SKAP2: variants seen among roughly 807,000 people sequenced by gnomAD.
SKAP2 encodes the protein src kinase associated phosphoprotein 2.
Under a neutral mutation model 54.9 loss-of-function variants are expected in SKAP2, and 28 were observed. The observed-to-expected ratio is 0.51, with a 90% CI of 0.38 to 0.70. The LOEUF (loss-of-function observed/expected upper bound fraction) is 0.70. Ranked by LOEUF, SKAP2 falls within the 30% of genes least tolerant of loss-of-function variation. SKAP2 has a pLI of 0.00. For synonymous variants in SKAP2, 137 were observed against 134.3 expected, an observed-to-expected ratio of 1.02 and a Z score of -0.14; for missense variants, 356 against 424.1, an observed-to-expected ratio of 0.84 and a Z score of 1.41.
At chr7:26,708,145 T>C (rs2127948816) in intron 9 of SKAP2, among the ~76,000 whole-genome samples, 1 of 152,190 alleles carries the variant, frequency 6.6e-6, no homozygotes, top group East Asian at 1.9e-4. Context: ...GCTAAGACAT[T>C]AAGGAAAAGT....
intron 4 of SKAP2, among the ~76,000 whole-genome samples, chr7:26,804,483 G>A (rs1042193269): frequency 3.9e-5 from 6 of 152,100 alleles, no homozygotes; most frequent in Non-Finnish European, 8.8e-5. Context: ...GTTCAGGCCC[G>A]TAATCCCAGC....
intron 4 of SKAP2, among the ~76,000 whole-genome samples, chr7:26,760,326 T>C (rs7784257): frequency 0.44 from 67,463 of 151,904 alleles, 16,336 homozygotes; most frequent in East Asian, 0.6. Flanking sequence ...AGAGAGTAAA[T>C]GAAATCTTTT....
intron 5 of SKAP2, 42 bp from the exon 6 acceptor site, chr7:26,738,920 T>C: frequency 1.7e-6 from 2 of 1,159,998 alleles, no homozygotes; most frequent in Non-Finnish European, 2.6e-6. Context: ...TTCCTTACTG[T>C]AAAAGAAAAA....
At chr7:26,847,000 C>A (rs1005907427) in intron 3 of SKAP2, among the ~76,000 whole-genome samples, 4 of 151,752 alleles carry the variant, frequency 2.6e-5, no homozygotes, top group African/African-American at 7.3e-5. Context: ...CTCAAAAAAT[C>A]AAAATAAAAA....
At chr7:26,682,656 A>G (rs865977472) in intron 11 of SKAP2, among the ~76,000 whole-genome samples, 2 of 152,188 alleles carry the variant, frequency 1.3e-5, no homozygotes, top group African/African-American at 2.4e-5. Flanking sequence ...AGCCTTGCAA[A>G]ACACTGGCAG....
chr7:26,799,085 C>A (rs1446611620), intron 4 of SKAP2, among the ~76,000 whole-genome samples: 1 of 147,950 alleles, frequency 6.8e-6, no homozygotes. Context: ...CAAGGCAAGG[C>A]AGGGCAGGGC....
the SKAP2 span, among the ~76,000 whole-genome samples, chr7:26,661,902 A>C: frequency 6.6e-6 from 1 of 152,154 alleles, no homozygotes; most frequent in Non-Finnish European, 1.5e-5. Flanking sequence ...GTCACTTCTA[A>C]ACATAATCTC....
At chr7:26,808,502 A>G (rs769177690) in intron 4 of SKAP2, among the ~76,000 whole-genome samples, 20 of 152,306 alleles carry the variant, frequency 1.3e-4, no homozygotes, top group Middle Eastern at 3.4e-3. Context: ...TAATGGATAC[A>G]GAGTTTCCGT....
intron 4 of SKAP2, among the ~76,000 whole-genome samples, chr7:26,764,276 T>A (rs1373479185): frequency 6.6e-6 from 1 of 152,146 alleles, no homozygotes; most frequent in Non-Finnish European, 1.5e-5. Flanking sequence ...GTGCATATAT[T>A]GAGAAAAACT....
intron 9 of SKAP2, among the ~76,000 whole-genome samples, chr7:26,710,008 G>A (rs1787264573): frequency 6.6e-6 from 1 of 152,126 alleles, no homozygotes; most frequent in Non-Finnish European, 1.5e-5. Flanking sequence ...ATATACCACT[G>A]ATAGTATACT....
chr7:26,836,006 C>T (rs182687423), intron 4 of SKAP2, among the ~76,000 whole-genome samples: 2 of 152,096 alleles, frequency 1.3e-5, no homozygotes, highest in East Asian at 3.9e-4. Context: ...CATAGACCAA[C>T]GGAACAGAAA....
In SKAP2 at chr7:26,864,449, G is replaced by T. The variant is rs764420162; in HGVS notation, c.-20C>A. 6.3e-7 allele frequency: 1 copy of T among 1,592,320 alleles called. No homozygotes were observed. Among genetic ancestry groups the T allele is most frequent in the South Asian group, 1.1e-5 (1 of 88,772 alleles). ...GGGCATGTTAGGGAGCGCAGGGCGT[G>T]CGGGGAAAGGACCTGCGCTGAAAAG... On this transcript the variant is annotated 5_prime_UTR_variant, in exon 1 of 13. Transcript: ENST00000345317.
chr7:26,828,855 C>T (rs1170463114), intron 4 of SKAP2, among the ~76,000 whole-genome samples: 4 of 151,226 alleles, frequency 2.6e-5, no homozygotes, highest in African/African-American at 9.7e-5. Flanking sequence ...GATGAAACCC[C>T]GTCTCTACTA....
rs1417288117 is a variant in SKAP2 at position 26,791,000 on chromosome 7, T to C, written c.308-51036A>G. Among the ~76,000 whole-genome samples the C allele has an allele frequency of 3.9e-5, 6 of 152,072 alleles. No individual in the cohort carries two copies. The South Asian group carries it at 6.2e-4, about 16-fold the overall frequency. On this transcript the variant is annotated intron_variant, in intron 4 of 12. Coordinates refer to ENST00000345317, the MANE Select transcript of SKAP2 (RefSeq NM_003930.5). ...AGAAATATATATAGAACCAGTACAA[T>C]GGTATAACTCTTGAACATCACATTG...
chr7:26,701,731 AAAT>A (rs1787029418), intron 9 of SKAP2, among the ~76,000 whole-genome samples: 1 of 109,066 alleles, frequency 9.2e-6, no homozygotes. Flanking sequence ...TCTCAAAAAT[AAAT>A]AAATAAATAA....
chr7:26,779,712 TA>T (rs1449678524), intron 4 of SKAP2, among the ~76,000 whole-genome samples: 3 of 151,884 alleles, frequency 2.0e-5, no homozygotes, highest in Non-Finnish European at 4.4e-5. Flanking sequence ...CATAACATGT[TA>T]AAAAAATGTA....
chr7:26,670,089 AC>A lies in SKAP2; in HGVS notation c.*9+1del. On this transcript the variant is annotated splice_donor_variant, in intron 12 of 12. Transcript: ENST00000345317. LOFTEE classifies it low-confidence loss of function (3UTR_SPLICE). ...CAGAATATTGGATTAAAATGTACTTACCCAGGACTCTCAAATATCATACATC... is the reference window on the plus strand; with the variant it reads ...CAGAATATTGGATTAAAATGTACTTACCAGGACTCTCAAATATCATACATC... 8.2e-7 allele frequency: 1 copy of A among 1,217,036 alleles called. No individual in the cohort carries two copies. The highest frequency in any genetic ancestry group is 1.2e-6 in the Non-Finnish European group (1 of 817,876). The allele number at this position is 1,217,036 out of a possible 1,614,324, so 75.4% of individuals were successfully genotyped here.
At chr7:26,820,058 C>G (rs1428768005) in intron 4 of SKAP2, among the ~76,000 whole-genome samples, 1 of 151,984 alleles carries the variant, frequency 6.6e-6, no homozygotes, top group Admixed American at 6.6e-5. Context: ...TGGCACATGC[C>G]TATAGTCCCA....
intron 4 of SKAP2, among the ~76,000 whole-genome samples, chr7:26,785,321 G>A (rs1037869869): frequency 4.6e-5 from 7 of 151,924 alleles, no homozygotes; most frequent in Admixed American, 1.3e-4. Context: ...CGAGTAGCTG[G>A]GACTACAGGC....
Sources: allele counts gnomAD v4.1 joint callset (sites outside exome capture counted in the v4.1 genomes callset), GRCh38; gene constraint gnomAD v4.1.1; transcripts MANE v1.5; gene names NCBI Gene and HGNC (gene_info 2026-07-23, HGNC 2026-07-21).